Variants in LHFPL3 observed in about 807,000 individuals in gnomAD.
The protein encoded by LHFPL3 is LHFPL tetraspan subfamily member 3 protein.
Under a neutral mutation model 19.3 loss-of-function variants are expected in LHFPL3, and 5 were observed. That is an observed-to-expected ratio of 0.26 (90% CI 0.14 to 0.54). LHFPL3 has a LOEUF of 0.54. LHFPL3 is among the 20% of genes least tolerant of loss of function. The pLI is 0.94. For missense variants in LHFPL3, 249 were observed against 307.4 expected (o/e 0.81, Z 1.42); for synonymous variants, 133 against 126.2 (o/e 1.05, Z -0.36).
chr7:104,587,197 G>A (rs543384913), intron 1 of LHFPL3, among the ~76,000 whole-genome samples: 2 of 152,274 alleles, frequency 1.3e-5, no homozygotes, highest in East Asian at 3.9e-4. Context: ...GTATACATGT[G>A]CCATGTTGGT....
intron 1 of LHFPL3, among the ~76,000 whole-genome samples, chr7:104,493,056 C>T (rs1308984084): frequency 2.6e-5 from 4 of 152,174 alleles, no homozygotes; most frequent in Admixed American, 1.3e-4. Context: ...AATATTTATG[C>T]ACTGTTTAAC....
chr7:104,365,814 T>C (rs1008325484), intron 1 of LHFPL3, among the ~76,000 whole-genome samples: 1 of 127,570 alleles, frequency 7.8e-6, no homozygotes, highest in African/African-American at 3.0e-5. Context: ...AAGAAAAGCC[T>C]CTTTCCAGCT....
intron 1 of LHFPL3, among the ~76,000 whole-genome samples, chr7:104,730,720 C>A (rs1793684116): frequency 6.6e-6 from 1 of 152,186 alleles, no homozygotes; most frequent in Admixed American, 6.5e-5. Context: ...ATGGTAGTTT[C>A]TTTTGCTGTG....
rs28396978 is a variant in LHFPL3, at chr7:104,475,367, A to G, written c.445+146143A>G. 9.0e-3 allele frequency among the ~76,000 whole-genome samples: 1,363 copies of G among 152,272 alleles called. 14 individuals are homozygous for G. Among genetic ancestry groups the G allele is most frequent in the African/African-American group, 0.031 (1,287 of 41,550 alleles). On this transcript the variant is annotated intron_variant, in intron 1 of 2. Coordinates refer to ENST00000424859, the MANE Select transcript of LHFPL3 (RefSeq NM_199000.3). ...CCTTTTAACTAAACCAGAATTCCTT[A>G]GCATATTACTGGAACATTCTGATTC... is the stretch of plus-strand genomic sequence containing the variant.
chr7:104,664,015 T>G (rs1333356547), intron 1 of LHFPL3, among the ~76,000 whole-genome samples: 1 of 152,226 alleles, frequency 6.6e-6, no homozygotes, highest in East Asian at 1.9e-4. Context: ...GTGTGTCCCT[T>G]TGTTTGACTT....
chr7:104,763,588 G>A (rs181588153), intron 2 of LHFPL3, among the ~76,000 whole-genome samples: 1 of 152,236 alleles, frequency 6.6e-6, no homozygotes, highest in Non-Finnish European at 1.5e-5. Context: ...CAGTTGGTGA[G>A]AGTATGGGAG....
chr7:104,813,898 TC>T (rs1790519609), intron 2 of LHFPL3, among the ~76,000 whole-genome samples: 1 of 152,186 alleles, frequency 6.6e-6, no homozygotes, highest in Admixed American at 6.5e-5. Context: ...GGACCACAGC[TC>T]TTCTTTCCTT....
At chr7:104,417,749 A>ATAGTTATGT (rs145971417) in intron 1 of LHFPL3, among the ~76,000 whole-genome samples, 14,998 of 152,168 alleles carry the variant, frequency 0.099, 806 homozygotes, top group African/African-American at 0.13. Flanking sequence ...TTAAGACATA[A>ATAGTTATGT]CTAATATGCA....
At chr7:104,489,078 CTTTTTTTTTTT>C (rs10706776) in intron 1 of LHFPL3, among the ~76,000 whole-genome samples, 1 of 41,678 alleles carries the variant, frequency 2.4e-5, no homozygotes, top group Admixed American at 2.8e-4. Context: ...GTGCTGAAAT[CTTTTTTTTTTT>C]TTTTTTTTTT....
chr7:104,745,542 T>C (rs17139576), intron 2 of LHFPL3, among the ~76,000 whole-genome samples: 1,706 of 145,328 alleles, frequency 0.012, 31 homozygotes, highest in African/African-American at 0.042. Flanking sequence ...ACCAATGCAA[T>C]AACAGGAGGA....
chr7:104,682,381 C>T (rs764866023), intron 1 of LHFPL3, among the ~76,000 whole-genome samples: 15 of 152,076 alleles, frequency 9.9e-5, no homozygotes, highest in Non-Finnish European at 1.8e-4. Context: ...CCCACTGAAC[C>T]GGAATCTGCA....
chr7:104,522,165 A>G (rs1794079043), intron 1 of LHFPL3, among the ~76,000 whole-genome samples: 1 of 152,142 alleles, frequency 6.6e-6, no homozygotes, highest in Admixed American at 6.6e-5. Context: ...AGACTGGATT[A>G]AGAAAATGTG....
At chr7:104,759,543 A>G (rs1794339799) in intron 2 of LHFPL3, among the ~76,000 whole-genome samples, 1 of 152,202 alleles carries the variant, frequency 6.6e-6, no homozygotes. Context: ...CACACAAGCC[A>G]CATTTCCAGT....
At chr7:104,875,626 A>G (rs1035651397) in intron 2 of LHFPL3, among the ~76,000 whole-genome samples, 2 of 152,226 alleles carry the variant, frequency 1.3e-5, no homozygotes, top group Non-Finnish European at 2.9e-5. Flanking sequence ...AGTTGCTACT[A>G]GCAGATAGAG....
chr7:104,364,778 C>G (rs1181232015), intron 1 of LHFPL3, among the ~76,000 whole-genome samples: 1 of 152,230 alleles, frequency 6.6e-6, no homozygotes, highest in Non-Finnish European at 1.5e-5. Context: ...TCATTTAACC[C>G]TGTTTTCTTC....
intron 1 of LHFPL3, among the ~76,000 whole-genome samples, chr7:104,677,403 A>G (rs945495069): frequency 6.6e-6 from 1 of 151,964 alleles, no homozygotes. Flanking sequence ...AATGATCCCT[A>G]TATAGTGAAA....
intron 1 of LHFPL3, among the ~76,000 whole-genome samples, chr7:104,466,720 A>G (rs573171952): frequency 6.6e-6 from 1 of 152,328 alleles, no homozygotes; most frequent in African/African-American, 2.4e-5. Context: ...TGACCTAGTT[A>G]TAATCCCTGC....
At chr7:104,504,530 A>G (rs1793660307) in intron 1 of LHFPL3, among the ~76,000 whole-genome samples, 1 of 152,222 alleles carries the variant, frequency 6.6e-6, no homozygotes, top group Non-Finnish European at 1.5e-5. Flanking sequence ...AGTGATGTTA[A>G]AAGCAATAGC....
chr7:104,396,265 A>G (rs1791182146), intron 1 of LHFPL3, among the ~76,000 whole-genome samples: 1 of 152,162 alleles, frequency 6.6e-6, no homozygotes, highest in South Asian at 2.1e-4. Context: ...TAATGTACAA[A>G]TGGTTGCTAA....
Sources: gnomAD v4.1 joint callset for allele counts (sites outside exome capture counted in the v4.1 genomes callset) on GRCh38, gnomAD v4.1.1 for gene constraint, MANE v1.5 for transcripts, NCBI Gene and HGNC (gene_info 2026-07-23, HGNC 2026-07-21) for gene names.